Variants in DOK6 observed in about 807,000 individuals in gnomAD.
DOK6 encodes docking protein 6, also known as downstream of tyrosine kinase 6.
A neutral mutation model predicts 44.0 loss-of-function variants in DOK6; 22 were observed. The ratio of observed to expected loss-of-function variants is 0.50; its 90% confidence interval spans 0.36 to 0.71. The LOEUF (loss-of-function observed/expected upper bound fraction) is 0.71, where lower values mean the gene tolerates loss of function less well. DOK6 is among the 30% of genes least tolerant of loss of function. The pLI is 0.00. For missense variants in DOK6, 340 were observed against 416.4 expected, an observed-to-expected ratio of 0.82 and a Z score of 1.60; for synonymous variants, 166 against 145.5, an observed-to-expected ratio of 1.14 and a Z score of -1.01.
At chr18:69,439,783 A>T (rs1979086104) in intron 1 of DOK6, among the ~76,000 whole-genome samples, 1 of 152,162 alleles carries the variant, frequency 6.6e-6, no homozygotes, top group African/African-American at 2.4e-5. Context: ...GACCACTCAA[A>T]CTTTCTCCAT....
At chr18:69,824,196 TC>T (rs34196735) in intron 7 of DOK6, among the ~76,000 whole-genome samples, 1 of 116,826 alleles carries the variant, frequency 8.6e-6, no homozygotes, top group Non-Finnish European at 1.7e-5. Context: ...CCCTCCCCCC[TC>T]CCCCCACCCC....
chr18:69,570,130 C>G (rs961142064), intron 2 of DOK6, among the ~76,000 whole-genome samples: 1 of 151,818 alleles, frequency 6.6e-6, no homozygotes, highest in Non-Finnish European at 1.5e-5. Context: ...AATCTGTACA[C>G]CAAACCCCCA....
intron 1 of DOK6, among the ~76,000 whole-genome samples, chr18:69,496,571 G>T (rs558429463): frequency 2.0e-5 from 3 of 152,218 alleles, no homozygotes; most frequent in Non-Finnish European, 2.9e-5. Context: ...TAACACCCAT[G>T]TTTTTGGACA....
At chr18:69,604,705 T>G (rs191629412) in intron 3 of DOK6, among the ~76,000 whole-genome samples, 122 of 152,314 alleles carry the variant, frequency 8.0e-4, no homozygotes, top group African/African-American at 2.6e-3. Flanking sequence ...TCAAGAAATT[T>G]TATTACTTTG....
At chr18:69,744,650 C>G (rs563827904) in intron 6 of DOK6, among the ~76,000 whole-genome samples, 3 of 151,972 alleles carry the variant, frequency 2.0e-5, no homozygotes, top group Non-Finnish European at 4.4e-5. Context: ...CTTGGCTGGG[C>G]GGGGTGGCTC....
chr18:69,660,105 C>A (rs1485643795), intron 3 of DOK6: 2 of 151,896 alleles, frequency 1.3e-5, no homozygotes, highest in African/African-American at 4.8e-5. Context: ...AACATCTGGT[C>A]TCTTTGGAAG....
chr18:69,465,074 T>G (rs1372866901), intron 1 of DOK6, among the ~76,000 whole-genome samples: 1 of 152,222 alleles, frequency 6.6e-6, no homozygotes, highest in African/African-American at 2.4e-5. Context: ...ACCTAAAGTT[T>G]GTTTAACCCA....
intron 3 of DOK6, among the ~76,000 whole-genome samples, chr18:69,670,006 C>T (rs1029078653): frequency 1.3e-5 from 2 of 152,060 alleles, no homozygotes; most frequent in Non-Finnish European, 2.9e-5. Context: ...CTTATAGTTC[C>T]GAAGGACAAA....
At chr18:69,632,295 T>G (rs1568316859) in intron 3 of DOK6, among the ~76,000 whole-genome samples, 2 of 152,182 alleles carry the variant, frequency 1.3e-5, no homozygotes, top group Non-Finnish European at 2.9e-5. Context: ...TTTCTTGCTG[T>G]GTGGATCTGA....
chr18:69,599,414 A>G lies in DOK6; in HGVS notation c.205A>G (p.Thr69Ala). The G allele has an allele frequency of 6.2e-7, 1 of 1,613,872 alleles. No homozygotes were observed. Residue 69 changes from threonine (T) to alanine (A), a missense_variant, in exon 3 of 8, where the codon ACC becomes GCC. By Grantham distance (58) the Thr-to-Ala change is moderately conservative. This residue lies in a region of DOK6 where 206 missense variants were observed against 258.6 expected (regional missense o/e 0.80). Coordinates refer to ENST00000382713, the MANE Select transcript of DOK6 (RefSeq NM_152721.6). ...TGAACTGCACAATATCAAAAATATA[A>G]CCAGACTGCCCCGAGAGACAAAGAA... ...VTELHNIKNITRLPRETKKHA... is the reference protein window; with the variant it reads ...VTELHNIKNIARLPRETKKHA...
chr18:69,733,197 A>G (rs1978475970), intron 5 of DOK6, among the ~76,000 whole-genome samples: 1 of 152,148 alleles, frequency 6.6e-6, no homozygotes, highest in Admixed American at 6.6e-5. Flanking sequence ...CTATGAAAAA[A>G]AAAAAATTCA....
intron 1 of DOK6, among the ~76,000 whole-genome samples, chr18:69,561,464 C>A (rs2144595588): frequency 6.6e-6 from 1 of 152,194 alleles, no homozygotes; most frequent in Admixed American, 6.5e-5. Flanking sequence ...TGATCATATT[C>A]TAATCATCTG....
chr18:69,433,371 G>T (rs1231745696), intron 1 of DOK6, among the ~76,000 whole-genome samples: 1 of 151,982 alleles, frequency 6.6e-6, no homozygotes, highest in Non-Finnish European at 1.5e-5. Context: ...TAATAGTTTT[G>T]ACTACATATT....
At chr18:69,507,236 C>A (rs188433067) in intron 1 of DOK6, among the ~76,000 whole-genome samples, 9 of 152,018 alleles carry the variant, frequency 5.9e-5, no homozygotes, top group Admixed American at 3.9e-4. Context: ...ACCGTGTTAG[C>A]CAGAATGGTC....
At chr18:69,839,576 C>A (rs1982154002) in intron 7 of DOK6, among the ~76,000 whole-genome samples, 1 of 152,216 alleles carries the variant, frequency 6.6e-6, no homozygotes, top group African/African-American at 2.4e-5. Context: ...ATGCACTCAG[C>A]TGAGATTAAA....
chr18:69,679,061 A>G (rs1985988107), intron 4 of DOK6, among the ~76,000 whole-genome samples: 1 of 152,154 alleles, frequency 6.6e-6, no homozygotes, highest in East Asian at 1.9e-4. Context: ...CTATAGTTCC[A>G]GCTACTCGGG....
At chr18:69,538,974 G>C (rs1206623695) in intron 1 of DOK6, among the ~76,000 whole-genome samples, 2 of 152,132 alleles carry the variant, frequency 1.3e-5, no homozygotes, top group Non-Finnish European at 2.9e-5. Flanking sequence ...CTTTCACACA[G>C]AGCAGATGTG....
chr18:69,562,862 C>A (rs1290396562), intron 1 of DOK6, among the ~76,000 whole-genome samples: 7 of 152,084 alleles, frequency 4.6e-5, no homozygotes, highest in Non-Finnish European at 7.4e-5. Flanking sequence ...AGTGAACAGG[C>A]AACCTACAGA....
At chr18:69,645,198 A>G (rs1985040537) in intron 3 of DOK6, among the ~76,000 whole-genome samples, 1 of 152,158 alleles carries the variant, frequency 6.6e-6, no homozygotes, top group Admixed American at 6.5e-5. Flanking sequence ...CCACTGCTGC[A>G]GTCTAGATAC....
Sources: gnomAD v4.1 joint callset for allele counts (sites outside exome capture counted in the v4.1 genomes callset) on GRCh38, gnomAD v4.1.1 for gene constraint, gnomAD v4.1.1 regional missense constraint, MANE v1.5 for transcripts, NCBI Gene and HGNC (gene_info 2026-07-23, HGNC 2026-07-21) for gene names.